The following PACSIN2 variants were observed in gnomAD, a reference collection of about 807,000 sequenced individuals.
PACSIN2 encodes protein kinase C and casein kinase substrate in neurons protein 2.
Under a neutral mutation model 63.8 loss-of-function variants are expected in PACSIN2, and 25 were observed. The observed-to-expected ratio is 0.39, with a 90% CI of 0.29 to 0.55. The LOEUF is 0.55. Among genes scored for constraint, PACSIN2 ranks in the 20% least tolerant of loss-of-function variants. The pLI, the probability that PACSIN2 is intolerant of heterozygous loss-of-function variation, is 0.62. For missense variants in PACSIN2, 518 were observed against 646.9 expected, an observed-to-expected ratio of 0.80 and a Z score of 2.16; for synonymous variants, 255 against 256.2, an observed-to-expected ratio of 1.00 and a Z score of 0.05.
chr22:43,000,476 T>C (rs1923697620), intron 1 of PACSIN2, among the ~76,000 whole-genome samples: 1 of 152,202 alleles, frequency 6.6e-6, no homozygotes, highest in African/African-American at 2.4e-5. Flanking sequence ...TTTCTCTCTC[T>C]ACTCACCTCT....
At chr22:42,904,694 C>T (rs539379643) in intron 2 of PACSIN2, among the ~76,000 whole-genome samples, 1 of 142,090 alleles carries the variant, frequency 7.0e-6, no homozygotes, top group East Asian at 1.9e-4. Flanking sequence ...GTTCCCTCCT[C>T]TTCCCAGTTT....
intron 1 of PACSIN2, among the ~76,000 whole-genome samples, chr22:42,912,666 A>G (rs942654838): frequency 3.9e-5 from 6 of 152,228 alleles, no homozygotes; most frequent in African/African-American, 1.4e-4. Context: ...ACTTCTGAAT[A>G]ACAGACTCAG....
At chr22:42,924,476 C>A (rs1361658596) in intron 1 of PACSIN2, among the ~76,000 whole-genome samples, 1 of 152,340 alleles carries the variant, frequency 6.6e-6, no homozygotes, top group South Asian at 2.1e-4. Context: ...GTGACCCTCT[C>A]AAAATGCAAG....
At chr22:43,001,583 C>T (rs1460737898) in intron 1 of PACSIN2, among the ~76,000 whole-genome samples, 1 of 152,238 alleles carries the variant, frequency 6.6e-6, no homozygotes, top group African/African-American at 2.4e-5. Flanking sequence ...GGCACAAAAA[C>T]CTGCCTGTGC....
At chr22:42,970,680 T>C (rs1336934007) in intron 1 of PACSIN2, among the ~76,000 whole-genome samples, 1 of 152,196 alleles carries the variant, frequency 6.6e-6, no homozygotes, top group Non-Finnish European at 1.5e-5. Context: ...GTCTTCTTTT[T>C]AAAATTTAGC....
chr22:42,983,685 C>T (rs1386603181), intron 1 of PACSIN2, among the ~76,000 whole-genome samples: 1 of 152,138 alleles, frequency 6.6e-6, no homozygotes, highest in Non-Finnish European at 1.5e-5. Flanking sequence ...TGGTCTTGAA[C>T]TCCTGGGCTT....
Position 42,871,476 on chromosome 22 carries a change from GA to G in PACSIN2, c.1349-8del. 1 of 1,600,744 alleles carries G rather than the reference GA, an allele frequency of 6.2e-7. No individual in the cohort carries two copies. The highest frequency in any genetic ancestry group is 8.6e-7 in the Non-Finnish European group (1 of 1,167,640). On this transcript the variant is annotated splice_polypyrimidine_tract_variant and splice_region_variant and intron_variant, in intron 10 of 10. Transcript: ENST00000263246. This position sits in a 1 kb window ranked among gnomAD's most constrained non-coding sequence, Gnocchi z 5.4. ...ATCTTGGTCAGCTCATCCCCTGCAA[GA>G]CAAAGAGGGAGCCGTCTCCATGAGA...
chr22:42,882,913 T>C (rs1754031222), intron 6 of PACSIN2, among the ~76,000 whole-genome samples: 1 of 152,220 alleles, frequency 6.6e-6, no homozygotes, highest in Non-Finnish European at 1.5e-5. Context: ...TCTCTGGGCC[T>C]CGGTTTCCTC....
rs991904391 is a variant in PACSIN2 at position 42,891,263 on chromosome 22, G to C, written c.218-81C>G. On this transcript the variant is annotated intron_variant, in intron 3 of 10. Coordinates refer to ENST00000263246, the MANE Select transcript of PACSIN2 (RefSeq NM_001184970.3). ...TCTGCTCACACCTCGGCTGTTCAAT[G>C]TGGCCATTTAGACCACAGAGGGTTT... The C allele has an allele frequency of 5.8e-6, 5 of 867,918 alleles. No homozygotes were observed. The Admixed American group carries it at 1.1e-4, about 19-fold the overall frequency. 53.8% of individuals were successfully genotyped at this position (867,918 alleles called of 1,614,324 possible).
intron 2 of PACSIN2, among the ~76,000 whole-genome samples, chr22:42,911,724 A>G (rs1428226369): frequency 6.6e-6 from 1 of 152,340 alleles, no homozygotes; most frequent in African/African-American, 2.4e-5. Context: ...ACACCATGGC[A>G]AACATAAAAA....
chr22:42,966,811 T>A (rs1252211962), intron 1 of PACSIN2, among the ~76,000 whole-genome samples: 4 of 152,186 alleles, frequency 2.6e-5, no homozygotes, highest in Admixed American at 2.6e-4. Flanking sequence ...TGGAAGATGA[T>A]CCAAGAAAGA....
At chr22:42,997,657 GA>G (rs1923502843) in intron 1 of PACSIN2, among the ~76,000 whole-genome samples, 1 of 151,886 alleles carries the variant, frequency 6.6e-6, no homozygotes, top group Non-Finnish European at 1.5e-5. Flanking sequence ...TTTCTAGGGG[GA>G]AAGAATCTAT....
intron 1 of PACSIN2, among the ~76,000 whole-genome samples, chr22:43,004,904 C>T (rs1923994807): frequency 6.6e-6 from 1 of 152,140 alleles, no homozygotes; most frequent in African/African-American, 2.4e-5. Flanking sequence ...CTCTCTTTCT[C>T]CTCTAAACAA....
chr22:42,904,361 C>T (rs981470487), intron 2 of PACSIN2, among the ~76,000 whole-genome samples: 1 of 152,202 alleles, frequency 6.6e-6, no homozygotes, highest in African/African-American at 2.4e-5. Flanking sequence ...TGCCTTCAGC[C>T]GAGCACCCAG....
At chr22:42,918,959 G>A (rs778992479) in intron 1 of PACSIN2, among the ~76,000 whole-genome samples, 6 of 152,144 alleles carry the variant, frequency 3.9e-5, no homozygotes, top group Admixed American at 6.5e-5. Flanking sequence ...TCTTCAAAAC[G>A]AGGTCAGGTA....
At chr22:42,980,235 C>A (rs1257255538) in intron 1 of PACSIN2, among the ~76,000 whole-genome samples, 1 of 152,042 alleles carries the variant, frequency 6.6e-6, no homozygotes, top group African/African-American at 2.4e-5. Flanking sequence ...AATTAATGGC[C>A]ACACACAGTA....
intron 2 of PACSIN2, among the ~76,000 whole-genome samples, chr22:42,900,879 G>A (rs1306977127): frequency 6.6e-6 from 1 of 152,174 alleles, no homozygotes; most frequent in African/African-American, 2.4e-5. Context: ...CCCTCAGGCC[G>A]GGATCAGAGC....
rs1353194351 is a variant in PACSIN2, at chr22:42,981,482, GC to G, written c.-78+33538del. ...AGCCGCCCCGTCCGGGAGGGAGGCGGCGGGGGGGGTCGGCCAGCCGCCCCGT... is the reference window on the plus strand; with the variant it reads ...AGCCGCCCCGTCCGGGAGGGAGGCGGGGGGGGGGTCGGCCAGCCGCCCCGT... On this transcript the variant is annotated intron_variant, in intron 1 of 10. Transcript: ENST00000263246. Among the ~76,000 whole-genome samples the G allele has an allele frequency of 2.7e-3, 142 of 52,770 alleles. 16 individuals carry two copies. Among genetic ancestry groups the G allele is most frequent in the African/African-American group, 8.2e-3 (79 of 9,590 alleles). The allele number at this position is 52,770 out of a possible 152,430, so 34.6% of individuals were successfully genotyped here.
chr22:42,975,729 T>G (rs1921658380), intron 1 of PACSIN2, among the ~76,000 whole-genome samples: 1 of 150,976 alleles, frequency 6.6e-6, no homozygotes, highest in African/African-American at 2.4e-5. Context: ...GAGCACCCAC[T>G]AGGAGTTTCC....
Sources: allele counts gnomAD v4.1 joint callset (sites outside exome capture counted in the v4.1 genomes callset), GRCh38; gene constraint gnomAD v4.1.1; non-coding constraint Gnocchi (gnomAD v3.1); transcripts MANE v1.5; gene names NCBI Gene and HGNC (gene_info 2026-07-23, HGNC 2026-07-21).